The following YY1 variants were observed in gnomAD, a reference collection of about 807,000 sequenced individuals.
The protein encoded by YY1 is YY1 transcription factor, also known as transcriptional repressor protein YY1.
YY1 carries 2 observed loss-of-function variants against 35.6 expected under a neutral mutation model. The observed-to-expected ratio is 0.06, with a 90% CI of 0.02 to 0.18. The LOEUF (loss-of-function observed/expected upper bound fraction) is 0.18, where lower values mean the gene tolerates loss of function less well. Among genes scored for constraint, YY1 ranks in the 10% least tolerant of loss-of-function variants. The probability of loss-of-function intolerance (pLI) is 1.00; values close to 1 mark genes in which losing one functional copy is unlikely to be tolerated. For missense variants in YY1, 322 were observed against 573.4 expected, an observed-to-expected ratio of 0.56 and a Z score of 4.48; for synonymous variants, 268 against 238.9, an observed-to-expected ratio of 1.12 and a Z score of -1.12.
At chr14:100,244,301 C>CT (rs1297580497) in intron 1 of YY1, among the ~76,000 whole-genome samples, 69 of 132,858 alleles carry the variant, frequency 5.2e-4, no homozygotes, top group African/African-American at 1.6e-3. Flanking sequence ...TAGAGATTGG[C>CT]TTTTTTTTTC....
chr14:100,269,192 G>GGACTGA (rs1891198122), intron 2 of YY1, among the ~76,000 whole-genome samples: 1 of 152,186 alleles, frequency 6.6e-6, no homozygotes, highest in South Asian at 2.1e-4. Flanking sequence ...CTTTATCGAA[G>GGACTGA]GGTGGTTAAG....
chr14:100,239,769 C>A lies in YY1; in HGVS notation c.525C>A (p.Gly175=), dbSNP rs768898566. ...SSSGGGRVKK[G]GGKKSGKKSY... Reference sequence around the variant, plus strand: ...CGGGAGGCGGCCGCGTCAAGAAGGGCGGCGGCAAGAAGAGCGGCAAGAAGA... The same window carrying A: ...CGGGAGGCGGCCGCGTCAAGAAGGGAGGCGGCAAGAAGAGCGGCAAGAAGA... Residue 175 remains glycine, a synonymous_variant, in exon 1 of 5, where the codon GGC becomes GGA. Transcript: ENST00000262238. 3.2e-6 allele frequency: 5 copies of A among 1,571,916 alleles called. No individual in the cohort carries two copies. In the East Asian group the frequency reaches 7.0e-5, roughly 22 times the overall value.
intron 1 of YY1, among the ~76,000 whole-genome samples, chr14:100,259,459 G>A (rs1277671945): frequency 6.6e-6 from 1 of 152,114 alleles, no homozygotes; most frequent in Non-Finnish European, 1.5e-5. Flanking sequence ...GGCGGAGGTT[G>A]CAGTGAGCTG....
Position 100,268,250 on chromosome 14 carries a change from T to G in YY1, c.842+5784T>G, listed in dbSNP as rs566889278. Among the ~76,000 whole-genome samples the G allele has an allele frequency of 5.9e-5, 9 of 152,342 alleles. No homozygotes were observed. In the East Asian group the frequency reaches 1.7e-3, roughly 29 times the overall value. On this transcript the variant is annotated intron_variant, in intron 2 of 4. Transcript: ENST00000262238. ...CTGTCCAAAGAGTATTTCAGGCTCA[T>G]GCTGCACTCAGCCTAGACTGCCTAG...
intron 2 of YY1, among the ~76,000 whole-genome samples, chr14:100,273,515 A>G (rs374684803): frequency 4.6e-5 from 7 of 151,894 alleles, no homozygotes; most frequent in African/African-American, 1.7e-4. Context: ...GGTTTTGTCC[A>G]TGTTGCCCAG....
chr14:100,255,667 G>A lies in YY1; in HGVS notation c.680-6637G>A, dbSNP rs190103547. ...AAGTGTGGAATGTGGTAATGATCAA[G>A]AGTACACTTATTTTCAGCCAGTTTT... On this transcript the variant is annotated intron_variant, in intron 1 of 4. Coordinates refer to ENST00000262238, the MANE Select transcript of YY1 (RefSeq NM_003403.5). Among the ~76,000 whole-genome samples, 69 of 152,212 alleles carry A rather than the reference G, an allele frequency of 4.5e-4. No homozygotes were observed. In the South Asian group the frequency reaches 6.6e-3, roughly 15 times the overall value.
At chr14:100,273,438 A>G (rs1316852493) in intron 2 of YY1, among the ~76,000 whole-genome samples, 1 of 152,028 alleles carries the variant, frequency 6.6e-6, no homozygotes, top group African/African-American at 2.4e-5. Context: ...ATCGACACAC[A>G]CCACCATGCC....
Position 100,276,679 on chromosome 14 carries a change from G to A in YY1, c.1062+31G>A. 2 of 1,613,796 alleles carry A rather than the reference G, an allele frequency of 1.2e-6. No homozygotes were observed. Among genetic ancestry groups the A allele is most frequent in the Non-Finnish European group, 1.7e-6 (2 of 1,179,926 alleles). The stretch of plus-strand genomic sequence containing the variant: ...GCCAGTTCCCTCTCTTCCCCACACT[G>A]CCTTGCCTGTCTGAACACTGCAAGT... On this transcript the variant is annotated intron_variant, in intron 4 of 4. Coordinates refer to ENST00000262238, the MANE Select transcript of YY1 (RefSeq NM_003403.5). The surrounding 1 kb of genome is among the most constrained non-coding windows in gnomAD (Gnocchi z 4.1).
intron 1 of YY1, among the ~76,000 whole-genome samples, chr14:100,261,266 T>A (rs1891083219): frequency 6.6e-6 from 1 of 152,118 alleles, no homozygotes. Context: ...CTCAGCTCAC[T>A]GCAAACTCTG....
intron 1 of YY1, among the ~76,000 whole-genome samples, chr14:100,253,682 G>A (rs1454038356): frequency 6.7e-6 from 1 of 150,328 alleles, no homozygotes; most frequent in African/African-American, 2.5e-5. Flanking sequence ...GTGAGCCAGT[G>A]TACCCAGCCA....
chr14:100,259,316 C>G (rs192379783), intron 1 of YY1, among the ~76,000 whole-genome samples: 1 of 152,074 alleles, frequency 6.6e-6, no homozygotes. Flanking sequence ...GTCAAGAGAT[C>G]GAGACCATCC....
chr14:100,245,577 C>A (rs533703236), intron 1 of YY1, among the ~76,000 whole-genome samples: 1 of 152,030 alleles, frequency 6.6e-6, no homozygotes, highest in African/African-American at 2.4e-5. Context: ...GATACTAATG[C>A]TGTTACATAG....
chr14:100,273,287 T>G (rs1016877574), intron 2 of YY1, among the ~76,000 whole-genome samples: 4 of 151,540 alleles, frequency 2.6e-5, no homozygotes, highest in Non-Finnish European at 5.9e-5. Context: ...ATTATTATTT[T>G]ATTTATTTTT....
intron 1 of YY1, among the ~76,000 whole-genome samples, chr14:100,248,357 C>T (rs965312184): frequency 2.0e-5 from 3 of 152,058 alleles, no homozygotes; most frequent in African/African-American, 4.8e-5. Context: ...CTCCTGACCT[C>T]GTGATCCGCC....
Position 100,277,480 on chromosome 14 carries a change from A to G in YY1, c.1125A>G (p.Arg375=). 1 of 1,614,232 alleles carries G rather than the reference A, an allele frequency of 6.2e-7. No individual in the cohort carries two copies. Among genetic ancestry groups the G allele is most frequent in the South Asian group, 1.1e-5 (1 of 91,086 alleles). Residue 375 remains arginine, a synonymous_variant, in exon 5 of 5, where the codon CGA becomes CGG. Transcript: ENST00000262238. The surrounding 1 kb of genome is among the most constrained non-coding windows in gnomAD (Gnocchi z 5.6). ...SLDFNLRTHV[R]IHTGDRPYVC... ...ACTTCAATTTGCGCACACATGTGCGAATCCATACCGGAGACAGGCCCTATG... is the reference window on the plus strand; with the variant it reads ...ACTTCAATTTGCGCACACATGTGCGGATCCATACCGGAGACAGGCCCTATG...
chr14:100,271,222 G>A (rs1276615542), intron 2 of YY1, among the ~76,000 whole-genome samples: 1 of 152,138 alleles, frequency 6.6e-6, no homozygotes, highest in Non-Finnish European at 1.5e-5. Flanking sequence ...ACTCCAGCCT[G>A]GGCGACAGAG....
intron 2 of YY1, among the ~76,000 whole-genome samples, chr14:100,273,356 T>C (rs1416624986): frequency 6.6e-6 from 1 of 152,220 alleles, no homozygotes; most frequent in East Asian, 1.9e-4. Context: ...GACACAGTCA[T>C]GGCTTACTGC....
intron 2 of YY1, among the ~76,000 whole-genome samples, chr14:100,273,425 A>G (rs901894309): frequency 6.6e-6 from 1 of 152,074 alleles, no homozygotes; most frequent in South Asian, 2.1e-4. Context: ...AGTGGTTGGG[A>G]CTATCGACAC....
rs767372865 is a variant in YY1 at position 100,239,460 on chromosome 14, CCACCACCAT to C, written c.225_233del (p.His78_His80del). On this transcript the variant is annotated inframe_deletion, in exon 1 of 5. Coordinates refer to ENST00000262238, the MANE Select transcript of YY1 (RefSeq NM_003403.5). ...GCCACGGGCACGCCGGCCACCACCA[CCACCACCAT>C]CACCACCACCACCACCCGCCCATGA... 4.9e-5 allele frequency: 79 copies of C among 1,600,872 alleles called. No individual in the cohort carries two copies. Among genetic ancestry groups the C allele is most frequent in the Middle Eastern group, 1.7e-4 (1 of 6,032 alleles).
Sources: allele counts gnomAD v4.1 joint callset (sites outside exome capture counted in the v4.1 genomes callset), GRCh38; gene constraint gnomAD v4.1.1; non-coding constraint Gnocchi (gnomAD v3.1); transcripts MANE v1.5; gene names NCBI Gene and HGNC (gene_info 2026-07-23, HGNC 2026-07-21).